The following RAP1GDS1 variants were observed in gnomAD, a reference collection of about 807,000 sequenced individuals.
RAP1GDS1 encodes RAP1, GTP-GDP dissociation stimulator 1.
In RAP1GDS1, 35 loss-of-function variants were observed where a neutral mutation model predicts 71.1. The ratio of observed to expected loss-of-function variants is 0.49; its 90% CI spans 0.38 to 0.65. RAP1GDS1 has a LOEUF of 0.65. Among genes scored for constraint, RAP1GDS1 ranks in the 30% least tolerant of loss-of-function variants. The pLI, the probability that RAP1GDS1 is intolerant of heterozygous loss-of-function variation, is 0.00. For missense variants in RAP1GDS1, 663 were observed against 706.1 expected, an observed-to-expected ratio of 0.94 and a Z score of 0.69; for synonymous variants, 229 against 243.1, an observed-to-expected ratio of 0.94 and a Z score of 0.54.
chr4:98,340,142 CAG>C (rs1466737032), intron 2 of RAP1GDS1, among the ~76,000 whole-genome samples: 1 of 151,192 alleles, frequency 6.6e-6, no homozygotes, highest in Admixed American at 6.6e-5. Flanking sequence ...GAACTTAAAA[CAG>C]AACTACCATT....
chr4:98,351,038 AG>A (rs1029560364), intron 3 of RAP1GDS1, among the ~76,000 whole-genome samples: 4 of 152,178 alleles, frequency 2.6e-5, no homozygotes, highest in African/African-American at 9.6e-5. Context: ...AAATCTATGA[AG>A]GGTCTAAAGT....
rs1186055638 is a variant in RAP1GDS1, at chr4:98,261,452, C to A, written c.-114C>A. 16 of 1,136,426 alleles carry A rather than the reference C, an allele frequency of 1.4e-5. No homozygotes were observed. The highest frequency in any genetic ancestry group is 1.9e-5 in the Non-Finnish European group (16 of 848,716). 70.4% of individuals were successfully genotyped at this position (1,136,426 alleles called of 1,614,324 possible). On this transcript the variant is annotated 5_prime_UTR_variant, in exon 1 of 15. Coordinates refer to ENST00000408927, the MANE Select transcript of RAP1GDS1 (RefSeq NM_001100427.2). ...GCTCCTCCCCGGCGGCCGCCCCCCG[C>A]GGGTCCCTCCCTGGCTGCGGGAGAG... is the stretch of plus-strand genomic sequence containing the variant.
chr4:98,296,492 CA>C (rs2110286825), intron 2 of RAP1GDS1, among the ~76,000 whole-genome samples: 1 of 151,234 alleles, frequency 6.6e-6, no homozygotes, highest in Non-Finnish European at 1.5e-5. Flanking sequence ...TTTATGAAAA[CA>C]TTTTGTTTAA....
chr4:98,407,989 A>G (rs1560973386), intron 7 of RAP1GDS1, among the ~76,000 whole-genome samples: 1 of 152,080 alleles, frequency 6.6e-6, no homozygotes, highest in Non-Finnish European at 1.5e-5. Context: ...AAGAGAGAGA[A>G]AGCATAATTA....
intron 4 of RAP1GDS1, among the ~76,000 whole-genome samples, chr4:98,358,430 C>G (rs1369476843): frequency 6.6e-6 from 1 of 151,948 alleles, no homozygotes; most frequent in Non-Finnish European, 1.5e-5. Flanking sequence ...GGTGGTTAAA[C>G]TTGCTTAAAG....
chr4:98,439,191 G>A (rs928101853), intron 14 of RAP1GDS1, among the ~76,000 whole-genome samples: 2 of 152,144 alleles, frequency 1.3e-5, no homozygotes, highest in African/African-American at 4.8e-5. Context: ...CAGAAAATGG[G>A]TATAGGATTC....
chr4:98,365,776 T>C (rs1278612239), intron 4 of RAP1GDS1, among the ~76,000 whole-genome samples: 3 of 152,214 alleles, frequency 2.0e-5, no homozygotes, highest in African/African-American at 7.2e-5. Context: ...ATATACCCTT[T>C]TAAATATCTC....
chr4:98,421,326 G>C lies in RAP1GDS1; in HGVS notation c.1372G>C (p.Asp458His). 1.2e-6 allele frequency: 2 copies of C among 1,612,306 alleles called. No individual in the cohort carries two copies. The highest frequency in any genetic ancestry group is 2.2e-5 in the South Asian group (2 of 90,672). The change falls in exon 12 of 15, where the codon GAT becomes CAT. Residue 458 changes from aspartate (D) to histidine (H), a missense_variant. Transcript: ENST00000408927. The stretch of plus-strand genomic sequence containing the variant: ...TTTGGTGGAATGGTGTGAAGCCAAA[G>C]ATCATGCTGGTGTGATGGGGGAGTC... ...ERLVEWCEAK[D>H]HAGVMGESNR... is the part of the protein sequence containing the mutation.
intron 6 of RAP1GDS1, among the ~76,000 whole-genome samples, chr4:98,399,433 A>G (rs961082796): frequency 2.0e-5 from 3 of 152,142 alleles, no homozygotes; most frequent in South Asian, 2.1e-4. Flanking sequence ...AGCTGGGACT[A>G]CAGGCGTGCA....
chr4:98,270,826 C>G (rs1723349098), intron 1 of RAP1GDS1, among the ~76,000 whole-genome samples: 1 of 152,070 alleles, frequency 6.6e-6, no homozygotes, highest in Non-Finnish European at 1.5e-5. Flanking sequence ...TGAACCCCTC[C>G]TCTTCTCAGC....
At chr4:98,275,637 A>G (rs10470952) in intron 1 of RAP1GDS1, among the ~76,000 whole-genome samples, 19,435 of 152,122 alleles carry the variant, frequency 0.13, 1,654 homozygotes, top group African/African-American at 0.24. Context: ...AATTTTACGT[A>G]GGCAATGGGC....
intron 12 of RAP1GDS1, among the ~76,000 whole-genome samples, chr4:98,426,478 CAAGAA>C (rs1206935991): frequency 1.3e-5 from 2 of 151,640 alleles, no homozygotes. Context: ...AGACCATAAC[CAAGAA>C]AAGAAGAGAG....
At chr4:98,271,076 G>A (rs1723389698) in intron 1 of RAP1GDS1, among the ~76,000 whole-genome samples, 1 of 152,068 alleles carries the variant, frequency 6.6e-6, no homozygotes, top group Non-Finnish European at 1.5e-5. Flanking sequence ...AGGTTTTAGG[G>A]AGTTAAAAGT....
intron 2 of RAP1GDS1, among the ~76,000 whole-genome samples, chr4:98,329,803 A>T (rs529522913): frequency 1.3e-5 from 2 of 151,576 alleles, no homozygotes; most frequent in Admixed American, 6.6e-5. Context: ...AAAAAAAAAA[A>T]AAAAAAAAGT....
At chr4:98,270,687 A>G (rs1033224477) in intron 1 of RAP1GDS1, among the ~76,000 whole-genome samples, 2 of 152,064 alleles carry the variant, frequency 1.3e-5, no homozygotes, top group Admixed American at 6.6e-5. Context: ...GTTGAATAAC[A>G]TGGATTTGAA....
chr4:98,281,375 T>C (rs1725071254), intron 1 of RAP1GDS1, among the ~76,000 whole-genome samples: 1 of 152,134 alleles, frequency 6.6e-6, no homozygotes, highest in South Asian at 2.1e-4. Flanking sequence ...TTTGAAGCAA[T>C]TGTGAATGGG....
intron 4 of RAP1GDS1, among the ~76,000 whole-genome samples, chr4:98,365,460 A>G (rs1015499825): frequency 1.3e-5 from 2 of 151,928 alleles, no homozygotes; most frequent in Non-Finnish European, 2.9e-5. Context: ...CCTCTCTACA[A>G]AAAAGTGCAA....
chr4:98,280,317 G>A (rs1724877221), intron 1 of RAP1GDS1, among the ~76,000 whole-genome samples: 2 of 152,130 alleles, frequency 1.3e-5, no homozygotes, highest in African/African-American at 4.8e-5. Flanking sequence ...GGTGTGAGAT[G>A]GTATCTCATT....
intron 2 of RAP1GDS1, among the ~76,000 whole-genome samples, chr4:98,325,574 A>C (rs1219116539): frequency 6.6e-6 from 1 of 150,600 alleles, no homozygotes; most frequent in Non-Finnish European, 1.5e-5. Context: ...CATATACACC[A>C]TGGAATACTA....
Sources: allele counts gnomAD v4.1 joint callset (sites outside exome capture counted in the v4.1 genomes callset), GRCh38; gene constraint gnomAD v4.1.1; transcripts MANE v1.5; gene names NCBI Gene and HGNC (gene_info 2026-07-23, HGNC 2026-07-21).